GABRG3: variants seen among roughly 807,000 people sequenced by gnomAD.
GABRG3 encodes gamma-aminobutyric acid receptor subunit gamma-3.
Under a neutral mutation model 48.8 loss-of-function variants are expected in GABRG3, and 25 were observed. The ratio of observed to expected loss-of-function variants is 0.51; its 90% confidence interval spans 0.37 to 0.72. The LOEUF (loss-of-function observed/expected upper bound fraction) is 0.72, where lower values mean the gene tolerates loss of function less well. Ranked by LOEUF, GABRG3 falls within the 30% of genes least tolerant of loss-of-function variation. GABRG3 has a pLI of 0.00. For missense variants in GABRG3, 394 were observed against 577.9 expected, an observed-to-expected ratio of 0.68 and a Z score of 3.26; for synonymous variants, 227 against 217.6, an observed-to-expected ratio of 1.04 and a Z score of -0.38.
chr15:27,458,478 A>G (rs979221963), intron 5 of GABRG3, among the ~76,000 whole-genome samples: 2 of 152,164 alleles, frequency 1.3e-5, no homozygotes, highest in African/African-American at 4.8e-5. Context: ...TTTCCCTGAA[A>G]TTGCATCCCT....
chr15:27,433,118 G>A (rs1170253604), intron 5 of GABRG3, among the ~76,000 whole-genome samples: 1 of 152,128 alleles, frequency 6.6e-6, no homozygotes, highest in Non-Finnish European at 1.5e-5. Flanking sequence ...TGACCATATT[G>A]GTACTCAAAA....
chr15:27,290,011 T>C (rs1892533774), intron 3 of GABRG3, among the ~76,000 whole-genome samples: 1 of 152,118 alleles, frequency 6.6e-6, no homozygotes, highest in South Asian at 2.1e-4. Flanking sequence ...AAGAGCTGAT[T>C]CTGTCACTGG....
chr15:27,189,535 T>G (rs1888222836), intron 3 of GABRG3, among the ~76,000 whole-genome samples: 1 of 151,750 alleles, frequency 6.6e-6, no homozygotes, highest in African/African-American at 2.4e-5. Context: ...TGTTTGTCTG[T>G]TATTGGTGTA....
chr15:27,480,556 A>T, intron 5 of GABRG3, 94 bp from the exon 6 acceptor site: 1 of 1,205,684 alleles, frequency 8.3e-7, no homozygotes, highest in South Asian at 1.5e-5. Flanking sequence ...TTTAACTCCT[A>T]ACTCCTGTAA....
intron 3 of GABRG3, among the ~76,000 whole-genome samples, chr15:27,039,973 C>CT (rs1307321219): frequency 1.3e-5 from 2 of 152,180 alleles, no homozygotes; most frequent in African/African-American, 4.8e-5. Context: ...GACACTTCTT[C>CT]TCTTTTCTGC....
At chr15:27,425,467 T>TAGAC (rs770717300) in intron 5 of GABRG3, among the ~76,000 whole-genome samples, 2 of 125,016 alleles carry the variant, frequency 1.6e-5, no homozygotes, top group Non-Finnish European at 3.3e-5. Context: ...AAAAAAAAAA[T>TAGAC]AGGCGTGGTG....
chr15:27,102,305 T>G (rs1897375114), intron 3 of GABRG3, among the ~76,000 whole-genome samples: 2 of 152,216 alleles, frequency 1.3e-5, no homozygotes, highest in Admixed American at 6.5e-5. Flanking sequence ...TATGACTTGC[T>G]TCTTTCTTTG....
intron 9 of GABRG3, 58 bp from the exon 10 acceptor site, chr15:27,532,542 C>T: frequency 1.9e-6 from 3 of 1,544,644 alleles, no homozygotes; most frequent in Non-Finnish European, 2.6e-6. Flanking sequence ...CTTCATACAC[C>T]TCAGGGTGTT....
chr15:27,166,661 G>T (rs564445220), intron 3 of GABRG3, among the ~76,000 whole-genome samples: 5 of 152,162 alleles, frequency 3.3e-5, no homozygotes, highest in Non-Finnish European at 5.9e-5. Flanking sequence ...TTCCCGCAAG[G>T]AACTGGGATT....
At chr15:27,267,426 T>C (rs1406796677) in intron 3 of GABRG3, among the ~76,000 whole-genome samples, 2 of 147,680 alleles carry the variant, frequency 1.4e-5, no homozygotes, top group African/African-American at 2.5e-5. Context: ...CTTTAGAGTA[T>C]CATGTTAGCT....
intron 3 of GABRG3, among the ~76,000 whole-genome samples, chr15:27,057,547 C>T (rs1181094103): frequency 2.6e-5 from 4 of 152,102 alleles, no homozygotes; most frequent in South Asian, 2.1e-4. Context: ...CGGGGCTGCA[C>T]GATCCTAGAA....
In GABRG3 at chr15:27,521,054, G is replaced by T. The variant is rs1891149035; in HGVS notation, c.865+930G>T. 3.3e-5 allele frequency among the ~76,000 whole-genome samples: 5 copies of T among 151,852 alleles called. No homozygotes were observed. The South Asian group carries it at 1.0e-3, about 32-fold the overall frequency. On this transcript the variant is annotated intron_variant, in intron 7 of 9. Coordinates refer to ENST00000615808, the MANE Select transcript of GABRG3 (RefSeq NM_033223.5). ...CACAGATTTCGTGACTAACCCTTGGGGTTATGGCTTCATAGTTACATATAT... is the reference window on the plus strand; with the variant it reads ...CACAGATTTCGTGACTAACCCTTGGTGTTATGGCTTCATAGTTACATATAT...
intron 2 of GABRG3, among the ~76,000 whole-genome samples, chr15:27,024,785 G>A (rs1446296185): frequency 6.6e-6 from 1 of 152,104 alleles, no homozygotes; most frequent in Non-Finnish European, 1.5e-5. Flanking sequence ...CCAGCACTTT[G>A]GGAGGCTGGG....
chr15:27,349,970 A>AAC (rs377742989), intron 5 of GABRG3, among the ~76,000 whole-genome samples: 2,189 of 148,468 alleles, frequency 0.015, 57 homozygotes, highest in African/African-American at 0.051. Flanking sequence ...ACAAAAAAAA[A>AAC]CCTAACTTTC....
chr15:27,216,637 C>G (rs1889254865), intron 3 of GABRG3, among the ~76,000 whole-genome samples: 1 of 152,140 alleles, frequency 6.6e-6, no homozygotes, highest in Admixed American at 6.5e-5. Flanking sequence ...CAATGGAACT[C>G]AAAGCAGAGC....
chr15:27,114,147 G>A (rs1429087026), intron 3 of GABRG3, among the ~76,000 whole-genome samples: 2 of 152,114 alleles, frequency 1.3e-5, no homozygotes, highest in African/African-American at 4.8e-5. Flanking sequence ...TATAAAAGAT[G>A]CTCTAGGCTT....
intron 3 of GABRG3, among the ~76,000 whole-genome samples, chr15:27,042,785 G>C (rs865863642): frequency 1.3e-5 from 2 of 152,206 alleles, no homozygotes; most frequent in South Asian, 2.1e-4. Flanking sequence ...TCTCACCGTC[G>C]GGTCTGACAG....
At chr15:27,249,671 A>C (rs2140458981) in intron 3 of GABRG3, among the ~76,000 whole-genome samples, 1 of 152,264 alleles carries the variant, frequency 6.6e-6, no homozygotes, top group East Asian at 1.9e-4. Context: ...GCCATGCAGA[A>C]GGGATGAGTG....
intron 3 of GABRG3, among the ~76,000 whole-genome samples, chr15:27,299,714 A>C (rs4600441): frequency 0.59 from 90,017 of 151,920 alleles, 27,610 homozygotes; most frequent in African/African-American, 0.67. Context: ...GGGACCTCCT[A>C]TCCAGTAAGT....
Sources: allele counts gnomAD v4.1 joint callset (sites outside exome capture counted in the v4.1 genomes callset), GRCh38; gene constraint gnomAD v4.1.1; transcripts MANE v1.5; gene names NCBI Gene and HGNC (gene_info 2026-07-23, HGNC 2026-07-21).